NHS: variants seen among roughly 807,000 people sequenced by gnomAD.
NHS encodes actin remodeling regulator NHS.
NHS carries 5 observed loss-of-function variants against 72.5 expected under a neutral mutation model. The observed-to-expected ratio is 0.07, with a 90% CI of 0.04 to 0.14. The LOEUF (loss-of-function observed/expected upper bound fraction) is 0.14. Ranked by LOEUF, NHS falls within the 10% of genes least tolerant of loss-of-function variation. The probability of loss-of-function intolerance (pLI) is 1.00; values close to 1 mark genes in which losing one functional copy is unlikely to be tolerated. For missense variants in NHS, 1,072 were observed against 1,355.7 expected (o/e 0.79, Z 3.29); for synonymous variants, 464 against 547.7 (o/e 0.85, Z 2.13).
At chrX:17,557,588 T>C (rs1055515783) in intron 1 of NHS, among the ~76,000 whole-genome samples, 7 of 110,932 alleles carry the variant, frequency 6.3e-5, no homozygotes, top group Non-Finnish European at 9.4e-5. Context: ...AAACAACACA[T>C]ATTTACGATC....
At chrX:17,620,760 C>G (rs58133519) in intron 1 of NHS, among the ~76,000 whole-genome samples, 63 of 111,310 alleles carry the variant, frequency 5.7e-4, no homozygotes, top group African/African-American at 2.0e-3. Context: ...GGAGAATATT[C>G]TGGGCAAAGG....
intron 1 of NHS, among the ~76,000 whole-genome samples, chrX:17,597,054 G>A (rs2065626992): frequency 9.2e-6 from 1 of 108,570 alleles, no homozygotes. Flanking sequence ...AAAGGGAAAT[G>A]TTTTGGTGTA....
At chrX:17,474,210 TG>T (rs1479383633) in intron 1 of NHS, among the ~76,000 whole-genome samples, 1 of 111,496 alleles carries the variant, frequency 9.0e-6, no homozygotes, top group African/African-American at 3.3e-5. Context: ...ATGAGAAAAA[TG>T]GTGAATCCTT....
chrX:17,616,120 G>A (rs1303736095), intron 1 of NHS, among the ~76,000 whole-genome samples: 1 of 112,222 alleles, frequency 8.9e-6, no homozygotes, highest in Non-Finnish European at 1.9e-5. Context: ...TGTATCAAAG[G>A]TAAAGAAAGA....
intron 1 of NHS, among the ~76,000 whole-genome samples, chrX:17,630,019 G>A (rs1408014299): frequency 6.5e-5 from 7 of 107,705 alleles, no homozygotes; most frequent in South Asian, 8.4e-4. Context: ...GGCACAAATC[G>A]CCAGGTGGCC....
At position 17,535,329 on chromosome X, in the gene NHS, A is replaced by G. The variant is rs1489907137; in HGVS notation, c.566-152413A>G. On this transcript the variant is annotated intron_variant, in intron 1 of 8. Coordinates refer to ENST00000676302, the MANE Select transcript of NHS (RefSeq NM_001291867.2). ...TGGGATGAACTGAGCATTCCAGGTCATCTAGAATCTCTGTGCCTACTAGAA... is the reference window on the plus strand; with the variant it reads ...TGGGATGAACTGAGCATTCCAGGTCGTCTAGAATCTCTGTGCCTACTAGAA... Among the ~76,000 whole-genome samples, 29 of 111,465 alleles carry G rather than the reference A, an allele frequency of 2.6e-4. No homozygotes were observed. The Admixed American group carries it at 2.8e-3, about 11-fold the overall frequency.
chrX:17,493,355 G>T, intron 1 of NHS, among the ~76,000 whole-genome samples: 1 of 112,207 alleles, frequency 8.9e-6, no homozygotes, highest in East Asian at 2.8e-4. Context: ...TGGGGTCAGA[G>T]AATCCCCTCC....
chrX:17,393,942 C>T (rs897601547), intron 1 of NHS, among the ~76,000 whole-genome samples: 3 of 111,538 alleles, frequency 2.7e-5, no homozygotes, highest in Non-Finnish European at 3.8e-5. Flanking sequence ...GGCATAGGCT[C>T]AGTTTCCCTG....
At chrX:17,453,446 T>C (rs1294428331) in intron 1 of NHS, among the ~76,000 whole-genome samples, 9 of 112,073 alleles carry the variant, frequency 8.0e-5, no homozygotes, top group Admixed American at 4.7e-4. Context: ...GCAGAAATCA[T>C]AGACATTTCT....
chrX:17,624,161 C>T (rs761790888), intron 1 of NHS, among the ~76,000 whole-genome samples: 2 of 112,518 alleles, frequency 1.8e-5, no homozygotes, highest in Non-Finnish European at 3.7e-5. Context: ...CGCAAGCTGC[C>T]TACCTCCAAA....
intron 1 of NHS, among the ~76,000 whole-genome samples, chrX:17,668,007 C>T (rs1234647639): frequency 3.7e-5 from 4 of 107,317 alleles, no homozygotes; most frequent in African/African-American, 1.4e-4. Flanking sequence ...AATCCTAACC[C>T]TTTGGGAGAC....
chrX:17,718,552 GAAGA>G (rs1275263542), intron 3 of NHS, among the ~76,000 whole-genome samples: 1 of 98,334 alleles, frequency 1.0e-5, no homozygotes, highest in Admixed American at 1.1e-4. Flanking sequence ...AGGAGGGAAG[GAAGA>G]AAGGAAGGAA....
chrX:17,430,253 C>CTT (rs2064683266), intron 1 of NHS, among the ~76,000 whole-genome samples: 1 of 45,159 alleles, frequency 2.2e-5, no homozygotes, highest in African/African-American at 8.4e-5. Flanking sequence ...TCCCTCCCCT[C>CTT]TTTCTTTTTC....
intron 1 of NHS, among the ~76,000 whole-genome samples, chrX:17,664,054 A>G (rs1420272169): frequency 9.0e-6 from 1 of 111,226 alleles, no homozygotes; most frequent in Admixed American, 9.5e-5. Context: ...TTTATTATTG[A>G]TATTTTTTAT....
intron 3 of NHS, 132 bp from the exon 4 acceptor site, chrX:17,719,209 AAGG>A (rs753426881): frequency 4.1e-6 from 2 of 490,919 alleles, no homozygotes; most frequent in Non-Finnish European, 7.0e-6. Flanking sequence ...ATGAAGGAGG[AAGG>A]AGGGAAGGAA....
In NHS at chrX:17,445,756, A is replaced by G. The variant is rs575118641; in HGVS notation, c.565+69434A>G. Among the ~76,000 whole-genome samples, 218 of 83,562 alleles carry G rather than the reference A, an allele frequency of 2.6e-3. 2 individuals are homozygous for G. In the South Asian group the frequency reaches 0.026, roughly 10 times the overall value. The allele number at this position is 83,562 out of a possible 115,157, so 72.6% of individuals were successfully genotyped here. A position where few individuals can be genotyped will look rare whatever the true frequency, so the allele number is the denominator to read the frequency against. ...ACTTACTCACTGCTAAAAAAAAAAA[A>G]GGGGGGGGGGACTCTGTATATTTTT... On this transcript the variant is annotated intron_variant, in intron 1 of 8. Transcript: ENST00000676302.
chrX:17,544,604 C>T (rs1298605456), intron 1 of NHS, among the ~76,000 whole-genome samples: 4 of 111,838 alleles, frequency 3.6e-5, no homozygotes, highest in Admixed American at 9.5e-5. Flanking sequence ...CTCTGCCTCC[C>T]GGGTTCAAGC....
intron 1 of NHS, among the ~76,000 whole-genome samples, chrX:17,655,481 C>A (rs188777954): frequency 1.8e-3 from 203 of 112,577 alleles, no homozygotes; most frequent in Non-Finnish European, 3.2e-3. Context: ...CGCGCGCCAC[C>A]GAGTTTGGGG....
intron 1 of NHS, among the ~76,000 whole-genome samples, chrX:17,543,234 T>C (rs1475197643): frequency 8.9e-6 from 1 of 112,033 alleles, no homozygotes; most frequent in Non-Finnish European, 1.9e-5. Context: ...AGGGCAGCAT[T>C]ATCCTTATCT....
Sources: allele counts gnomAD v4.1 joint callset (sites outside exome capture counted in the v4.1 genomes callset), GRCh38; gene constraint gnomAD v4.1.1; transcripts MANE v1.5; gene names NCBI Gene and HGNC (gene_info 2026-07-23, HGNC 2026-07-21).